ELAC1: variants seen among roughly 807,000 people sequenced by gnomAD.
The protein encoded by ELAC1 is elaC ribonuclease Z 1.
ELAC1 carries 19 observed loss-of-function variants against 25.8 expected under a neutral mutation model. The observed-to-expected ratio is 0.74, with a 90% CI of 0.51 to 1.08. ELAC1 has a LOEUF of 1.08. Ranked by LOEUF, ELAC1 falls within the 50% of genes least tolerant of loss-of-function variation. The pLI, the probability that ELAC1 is intolerant of heterozygous loss-of-function variation, is 0.00. For missense variants in ELAC1, 403 were observed against 434.6 expected (o/e 0.93, Z 0.65); for synonymous variants, 148 against 160.9 (o/e 0.92, Z 0.61).
Position 50,986,687 on chromosome 18 carries a change from A to G in ELAC1, c.694A>G (p.Thr232Ala). 1.2e-6 allele frequency: 2 copies of G among 1,614,176 alleles called. No homozygotes were observed. Among genetic ancestry groups the G allele is most frequent in the Non-Finnish European group, 1.7e-6 (2 of 1,180,008 alleles). The change falls in exon 4 of 4, where the codon ACA becomes GCA. Residue 232 changes from threonine to alanine, a missense_variant. By Grantham distance (58) the Thr-to-Ala change is moderately conservative. Coordinates refer to ENST00000269466, the MANE Select transcript of ELAC1 (RefSeq NM_018696.3). ...GISVVLENGVTISPQDVLKKP... is the reference protein window; with the variant it reads ...GISVVLENGVAISPQDVLKKP... ...TTCTGTTGTTCTGGAAAATGGGGTT[A>G]CAATTTCTCCCCAAGATGTCTTAAA... is the stretch of plus-strand genomic sequence containing the variant.
chr18:50,987,283 A>C lies in ELAC1; in HGVS notation c.*198A>C, dbSNP rs889362170. The stretch of plus-strand genomic sequence containing the variant: ...TAATAAATCTTTTTAAGAGAAAAAA[A>C]ACCCAGCATCCTTTTTGAAGTCCAG... On this transcript the variant is annotated 3_prime_UTR_variant, in exon 4 of 4. Transcript: ENST00000269466. The C allele has an allele frequency of 2.4e-5, 10 of 419,924 alleles. No homozygotes were observed. Among genetic ancestry groups the C allele is most frequent in the Non-Finnish European group, 4.2e-5 (10 of 240,016 alleles). The allele number at this position is 419,924 out of a possible 1,614,324, so 26.0% of individuals were successfully genotyped here.
At chr18:50,981,129 T>C (rs1301255011) in intron 2 of ELAC1, among the ~76,000 whole-genome samples, 1 of 150,976 alleles carries the variant, frequency 6.6e-6, no homozygotes, top group African/African-American at 2.4e-5. Flanking sequence ...CTTCCATGTA[T>C]ATTATTCTAC....
chr18:50,969,496 G>T (rs1907592395), intron 1 of ELAC1: 1 of 152,204 alleles, frequency 6.6e-6, no homozygotes, highest in East Asian at 1.9e-4. Flanking sequence ...TTATGTACAA[G>T]TAGCACCGTA....
Position 50,983,155 on chromosome 18 carries a change from GTTTTTTTTTTTTT to G in ELAC1, c.158-927_158-915del, listed in dbSNP as rs552455433. ...GGTACACTTGTATATTTTACTTGGT[GTTTTTTTTTTTTT>G]TTTTTTTTTTTTTGAGACAGTTTCG... On this transcript the variant is annotated intron_variant, in intron 2 of 3. Coordinates refer to ENST00000269466, the MANE Select transcript of ELAC1 (RefSeq NM_018696.3). Among the ~76,000 whole-genome samples, 18 of 60,876 alleles carry G rather than the reference GTTTTTTTTTTTTT, an allele frequency of 3.0e-4. 1 individual carries two copies. The highest frequency in any genetic ancestry group is 6.3e-4 in the Admixed American group (3 of 4,794). The allele number at this position is 60,876 out of a possible 152,430, so 39.9% of individuals were successfully genotyped here. A position where few individuals can be genotyped will look rare whatever the true frequency, so the allele number is the denominator to read the frequency against.
intron 1 of ELAC1, among the ~76,000 whole-genome samples, chr18:50,973,185 G>C (rs765685096): frequency 2.6e-5 from 4 of 152,082 alleles, no homozygotes; most frequent in Non-Finnish European, 4.4e-5. Context: ...AGTTACTGAA[G>C]TTTTTGTATA....
At chr18:50,978,319 C>A (rs1221765916) in intron 2 of ELAC1, among the ~76,000 whole-genome samples, 1 of 151,982 alleles carries the variant, frequency 6.6e-6, no homozygotes, top group African/African-American at 2.4e-5. Context: ...AAGAAATACC[C>A]AAGACTGAGT....
At chr18:50,968,712 C>G (rs560523830) in intron 1 of ELAC1, 4 of 152,154 alleles carry the variant, frequency 2.6e-5, no homozygotes, top group African/African-American at 4.8e-5. Flanking sequence ...AAGCAAGCAG[C>G]TGGGTTTTTG....
chr18:50,971,003 CTA>C (rs1161088972), intron 1 of ELAC1, among the ~76,000 whole-genome samples: 2 of 152,184 alleles, frequency 1.3e-5, no homozygotes, highest in Non-Finnish European at 2.9e-5. Context: ...ACAGAAGACT[CTA>C]TTAGCTGCAG....
chr18:50,973,097 T>C (rs1907706285), intron 1 of ELAC1, among the ~76,000 whole-genome samples: 1 of 152,230 alleles, frequency 6.6e-6, no homozygotes, highest in Admixed American at 6.5e-5. Context: ...ACTTTATTTC[T>C]GGTAATTTTG....
chr18:50,986,834 G>T lies in ELAC1; in HGVS notation c.841G>T (p.Ala281Ser), dbSNP rs779971080. 1.2e-6 allele frequency: 2 copies of T among 1,614,184 alleles called. No individual in the cohort carries two copies. Among genetic ancestry groups the T allele is most frequent in the Non-Finnish European group, 1.7e-6 (2 of 1,180,034 alleles). The change falls in exon 4 of 4, where the codon GCC becomes TCC. Residue 281 changes from alanine to serine, a missense_variant. Coordinates refer to ENST00000269466, the MANE Select transcript of ELAC1 (RefSeq NM_018696.3). ...LLIHEATLDDAQMDKAKEHGH... is the reference protein window; with the variant it reads ...LLIHEATLDDSQMDKAKEHGH... ...GATCCACGAAGCAACCCTGGATGAT[G>T]CCCAGATGGACAAAGCAAAGGAGCA...
chr18:50,971,502 C>T (rs1042729922), intron 1 of ELAC1, among the ~76,000 whole-genome samples: 3 of 152,146 alleles, frequency 2.0e-5, no homozygotes, highest in African/African-American at 4.8e-5. Flanking sequence ...ATCCTCCTGC[C>T]TTGGCCTCCT....
intron 1 of ELAC1, chr18:50,969,756 A>G (rs1199740236): frequency 6.6e-6 from 1 of 152,212 alleles, no homozygotes. Flanking sequence ...ATGATTGCCT[A>G]TGAGTTAACA....
intron 1 of ELAC1, among the ~76,000 whole-genome samples, chr18:50,971,970 G>C (rs1907670594): frequency 7.6e-6 from 1 of 132,244 alleles, no homozygotes; most frequent in African/African-American, 3.0e-5. Context: ...TGTTGCACAA[G>C]TATTTTTGTA....
chr18:50,971,595 A>G (rs1434792434), intron 1 of ELAC1, among the ~76,000 whole-genome samples: 5 of 151,666 alleles, frequency 3.3e-5, no homozygotes, highest in Admixed American at 2.6e-4. Flanking sequence ...GTGTCTCACT[A>G]TGTTGCCTAG....
At chr18:50,974,971 G>A (rs997551767) in intron 2 of ELAC1, among the ~76,000 whole-genome samples, 1 of 152,066 alleles carries the variant, frequency 6.6e-6, no homozygotes, top group Non-Finnish European at 1.5e-5. Context: ...GGTTATCAGG[G>A]TAAACTTCTC....
chr18:50,982,269 T>C (rs182401187), intron 2 of ELAC1, among the ~76,000 whole-genome samples: 14 of 152,206 alleles, frequency 9.2e-5, no homozygotes, highest in Admixed American at 9.2e-4. Flanking sequence ...AAAAGGAGCA[T>C]ATCGAGGAAA....
In ELAC1 at chr18:50,968,070, G is replaced by C. The variant is rs906863085; in HGVS notation, c.-53G>C. 2 of 152,174 alleles carry C rather than the reference G, an allele frequency of 1.3e-5. No individual in the cohort carries two copies. Among genetic ancestry groups the C allele is most frequent in the Admixed American group, 6.5e-5 (1 of 15,282 alleles). 9.4% of individuals were successfully genotyped at this position (152,174 alleles called of 1,614,324 possible). A position where few individuals can be genotyped will look rare whatever the true frequency, so the allele number is the denominator to read the frequency against. On this transcript the variant is annotated 5_prime_UTR_variant, in exon 1 of 4. Coordinates refer to ENST00000269466, the MANE Select transcript of ELAC1 (RefSeq NM_018696.3). Reference sequence around the variant, plus strand: ...CCCGCGGACAGCTGGGCCAGGGTGCGGGCCTGCGCCTCCCTCGGCTCCTGG... The same window carrying C: ...CCCGCGGACAGCTGGGCCAGGGTGCCGGCCTGCGCCTCCCTCGGCTCCTGG...
chr18:50,978,975 C>T (rs1907868146), intron 2 of ELAC1, among the ~76,000 whole-genome samples: 1 of 152,160 alleles, frequency 6.6e-6, no homozygotes, highest in African/African-American at 2.4e-5. Context: ...TTGGATCGTA[C>T]AGAGATTCCT....
At chr18:50,980,864 C>G (rs1312914546) in intron 2 of ELAC1, among the ~76,000 whole-genome samples, 2 of 152,014 alleles carry the variant, frequency 1.3e-5, no homozygotes, top group African/African-American at 4.8e-5. Context: ...TCAGATGCCC[C>G]TAGTCTCAAA....
Sources: allele counts gnomAD v4.1 joint callset (sites outside exome capture counted in the v4.1 genomes callset), GRCh38; gene constraint gnomAD v4.1.1; transcripts MANE v1.5; gene names NCBI Gene and HGNC (gene_info 2026-07-23, HGNC 2026-07-21).